PHC2: variants seen among roughly 807,000 people sequenced by gnomAD.
PHC2 encodes polyhomeotic-like protein 2.
PHC2 carries 29 observed loss-of-function variants against 87.4 expected under a neutral mutation model. That is an observed-to-expected ratio of 0.33 (90% CI 0.25 to 0.45). The LOEUF (loss-of-function observed/expected upper bound fraction) is 0.45. Among genes scored for constraint, PHC2 ranks in the 20% least tolerant of loss-of-function variants. The pLI is 1.00. For missense variants in PHC2, 857 were observed against 1,136.7 expected (o/e 0.75, Z 3.54); for synonymous variants, 438 against 461.7 (o/e 0.95, Z 0.66).
In PHC2 at chr1:33,375,449, T is replaced by G. The variant is rs764381431; in HGVS notation, c.91A>C (p.Asn31His). 2 of 1,612,592 alleles carry G rather than the reference T, an allele frequency of 1.2e-6. No homozygotes were observed. Among genetic ancestry groups the G allele is most frequent in the Non-Finnish European group, 1.7e-6 (2 of 1,179,378 alleles). Residue 31 changes from asparagine (N) to histidine (H), a missense_variant, in exon 2 of 15, where the codon AAC becomes CAC. Transcript: ENST00000683057. ...CGGCCACTTCCACCACTGCTGCTGT[T>G]GTTGCAGCCACTGCTGCTACTGGCC... ...SGASSSSGCN[N>H]SSSGGSGRPT...
chr1:33,390,291 T>C (rs989896406), intron 1 of PHC2, among the ~76,000 whole-genome samples: 4 of 152,250 alleles, frequency 2.6e-5, no homozygotes, highest in Non-Finnish European at 4.4e-5. Flanking sequence ...TTTTAACTTA[T>C]CCATTTATGG....
chr1:33,351,876 C>T (rs933422560), intron 9 of PHC2, among the ~76,000 whole-genome samples: 4 of 145,340 alleles, frequency 2.8e-5, no homozygotes, highest in Admixed American at 7.2e-5. Context: ...CACTTGAACC[C>T]GGGAGGTGTA....
chr1:33,340,000 G>A (rs990652489), intron 9 of PHC2, among the ~76,000 whole-genome samples: 4 of 152,166 alleles, frequency 2.6e-5, no homozygotes, highest in African/African-American at 4.8e-5. Flanking sequence ...AGATGGCCTA[G>A]CACTCATTCT....
rs566220367 is a variant in PHC2 at position 33,346,834 on chromosome 1, G to A, written c.1558+7567C>T. On this transcript the variant is annotated intron_variant, in intron 9 of 14. Coordinates refer to ENST00000683057, the MANE Select transcript of PHC2 (RefSeq NM_001385109.1). ...TCATCCCCTTTACACATTCACAATA[G>A]AGAAAAGTAGACAAAAAGACACCTA... is the stretch of plus-strand genomic sequence containing the variant. 4.1e-5 allele frequency: 40 copies of A among 985,310 alleles called. No homozygotes were observed. In the African/African-American group the frequency reaches 6.8e-4, roughly 17 times the overall value. 61.0% of individuals were successfully genotyped at this position (985,310 alleles called of 1,614,324 possible).
At chr1:33,424,615 G>T (rs1650593918) in intron 1 of PHC2, among the ~76,000 whole-genome samples, 1 of 152,078 alleles carries the variant, frequency 6.6e-6, no homozygotes, top group Non-Finnish European at 1.5e-5. Flanking sequence ...TTCTCAAAGG[G>T]CCTGTTCACT....
chr1:33,336,026 T>A (rs1646627586), intron 9 of PHC2, among the ~76,000 whole-genome samples: 1 of 150,808 alleles, frequency 6.6e-6, no homozygotes, highest in South Asian at 2.1e-4. Context: ...TCTCACTCTG[T>A]CACCCAGGCT....
intron 9 of PHC2, among the ~76,000 whole-genome samples, chr1:33,352,993 C>A (rs1242656623): frequency 6.6e-6 from 1 of 152,322 alleles, no homozygotes; most frequent in East Asian, 1.9e-4. Context: ...TTTGGTTCCT[C>A]CCTACCGTAA....
chr1:33,365,511 G>C (rs1367998393), intron 7 of PHC2, among the ~76,000 whole-genome samples: 1 of 152,162 alleles, frequency 6.6e-6, no homozygotes, highest in Non-Finnish European at 1.5e-5. Flanking sequence ...TGAGAAACTA[G>C]AAGAAGTGCT....
intron 1 of PHC2, among the ~76,000 whole-genome samples, chr1:33,378,716 G>C (rs908536972): frequency 1.3e-5 from 2 of 152,082 alleles, no homozygotes; most frequent in Non-Finnish European, 2.9e-5. Context: ...GAGAGTAAGA[G>C]AGCACACTTG....
Position 33,343,941 on chromosome 1 carries a change from A to G in PHC2, c.1559-9649T>C, listed in dbSNP as rs533327782. Among the ~76,000 whole-genome samples, 19 of 152,332 alleles carry G rather than the reference A, an allele frequency of 1.2e-4. No homozygotes were observed. In the South Asian group the frequency reaches 3.7e-3, roughly 30 times the overall value. On this transcript the variant is annotated intron_variant, in intron 9 of 14. Transcript: ENST00000683057. The stretch of plus-strand genomic sequence containing the variant: ...CAAAGCAAAGTCTCAAGTCACCTTC[A>G]ATGGCTATTAATCTAAAGGACAAGA...
At position 33,368,797 on chromosome 1, in the gene PHC2, G is replaced by A. The variant is rs1398088010; in HGVS notation, c.577-175C>T. Reference sequence around the variant, plus strand: ...TATGAGGAAGGGCAGGACAGTAGAAGCAGAAAGGAAGGGGGAGTCCAAGGG... The same window carrying A: ...TATGAGGAAGGGCAGGACAGTAGAAACAGAAAGGAAGGGGGAGTCCAAGGG... On this transcript the variant is annotated intron_variant, in intron 5 of 14. Coordinates refer to ENST00000683057, the MANE Select transcript of PHC2 (RefSeq NM_001385109.1). The surrounding 1 kb of genome is among the most constrained non-coding windows in gnomAD (Gnocchi z 6.6). 3.9e-5 allele frequency among the ~76,000 whole-genome samples: 6 copies of A among 152,186 alleles called. No homozygotes were observed. Among genetic ancestry groups the A allele is most frequent in the Admixed American group, 6.5e-5 (1 of 15,288 alleles).
In PHC2 at chr1:33,368,390, C is replaced by T. The variant is rs549907745; in HGVS notation, c.663+146G>A. ...CTGAGGCCTTCTGGAACAGGGTAGA[C>T]GCGCAGGCCTGGGGGCATTGGGGTG... On this transcript the variant is annotated intron_variant, in intron 6 of 14. Transcript: ENST00000683057. The surrounding 1 kb of genome is among the most constrained non-coding windows in gnomAD (Gnocchi z 6.6). 5.5e-4 allele frequency: 331 copies of T among 598,712 alleles called. 5 individuals are homozygous for T. The South Asian group carries it at 6.3e-3, about 11-fold the overall frequency. The allele number at this position is 598,712 out of a possible 1,614,324, so 37.1% of individuals were successfully genotyped here. A position where few individuals can be genotyped will look rare whatever the true frequency, so the allele number is the denominator to read the frequency against.
Position 33,419,671 on chromosome 1 carries a change from G to A in PHC2, c.-55+11305C>T, listed in dbSNP as rs1026893940. The stretch of plus-strand genomic sequence containing the variant: ...GTTGCCCAGGCTGGAGTGCAGTGGC[G>A]CGATCTCAGCTCACTGCAAGCTCCA... On this transcript the variant is annotated intron_variant, in intron 1 of 14. Coordinates refer to ENST00000683057, the MANE Select transcript of PHC2 (RefSeq NM_001385109.1). Among the ~76,000 whole-genome samples the A allele has an allele frequency of 1.2e-4, 18 of 151,884 alleles. 1 individual carries two copies. Among genetic ancestry groups the A allele is most frequent in the Admixed American group, 1.0e-3 (16 of 15,256 alleles).
Position 33,363,840 on chromosome 1 carries a change from G to C in PHC2, c.976+3276C>G, listed in dbSNP as rs889800558. 3.0e-5 allele frequency: 30 copies of C among 985,106 alleles called. No homozygotes were observed. The East Asian group carries it at 1.1e-3, about 37-fold the overall frequency. 61.0% of individuals were successfully genotyped at this position (985,106 alleles called of 1,614,324 possible). On this transcript the variant is annotated intron_variant, in intron 7 of 14. Coordinates refer to ENST00000683057, the MANE Select transcript of PHC2 (RefSeq NM_001385109.1). ...GCTGTGGCCCACTCCCTTAGGACTC[G>C]GCTTCCCTGAAGGCCAGGCCCAAGG...
At position 33,367,280 on chromosome 1, in the gene PHC2, G is replaced by C. The variant is rs1261580064; in HGVS notation, c.812C>G (p.Thr271Ser). 6.2e-7 allele frequency: 1 copy of C among 1,614,088 alleles called. No homozygotes were observed. Among genetic ancestry groups the C allele is most frequent in the Non-Finnish European group, 8.5e-7 (1 of 1,180,052 alleles). Residue 271 changes from threonine to serine, a missense_variant, in exon 7 of 15, where the codon ACT becomes AGT. By Grantham distance (58) the Thr-to-Ser change is moderately conservative. Around this residue, in one of 3 missense-constraint regions of PHC2, gnomAD observed 832 missense variants for 1,081.8 expected, o/e 0.77. Coordinates refer to ENST00000683057, the MANE Select transcript of PHC2 (RefSeq NM_001385109.1). ...GGCACCTGCAGGGGAAGCCTGAGCA[G>C]TATTTCTGCTCTGTGCTGGGGTAGG... ...PLPTPAQSRN[T>S]AQASPAGAKP... is the part of the protein sequence containing the mutation.
intron 14 of PHC2, among the ~76,000 whole-genome samples, chr1:33,327,482 TCTCTGAATGG>T (rs1646397101): frequency 1.3e-5 from 2 of 152,192 alleles, no homozygotes; most frequent in Non-Finnish European, 2.9e-5. Flanking sequence ...ACATGGCTTG[TCTCTGAATGG>T]CTCCCAATAA....
At chr1:33,357,769 A>G (rs918453435) in intron 7 of PHC2, among the ~76,000 whole-genome samples, 6 of 152,260 alleles carry the variant, frequency 3.9e-5, no homozygotes, top group Non-Finnish European at 7.3e-5. Flanking sequence ...GAGGCCACAC[A>G]GGACTTTGTT....
chr1:33,383,577 AG>A lies in PHC2; in HGVS notation c.-54-7985del, dbSNP rs1299642203. Among the ~76,000 whole-genome samples the A allele has an allele frequency of 2.6e-5, 4 of 152,214 alleles. 1 individual carries two copies. Among genetic ancestry groups the A allele is most frequent in the African/African-American group, 9.7e-5 (4 of 41,450 alleles). ...TGGTTGAAGAATATGAGGAGGAAAA[AG>A]AAGGATTTGCTGTCTTTTGGAAGGG... is the stretch of plus-strand genomic sequence containing the variant. On this transcript the variant is annotated intron_variant, in intron 1 of 14. Transcript: ENST00000683057.
At chr1:33,422,318 T>C (rs1650464786) in intron 1 of PHC2, among the ~76,000 whole-genome samples, 1 of 152,192 alleles carries the variant, frequency 6.6e-6, no homozygotes, top group African/African-American at 2.4e-5. Flanking sequence ...CTCCTCATCT[T>C]TGAATCCCCC....
Sources: allele counts gnomAD v4.1 joint callset (sites outside exome capture counted in the v4.1 genomes callset), GRCh38; gene constraint gnomAD v4.1.1; regional missense constraint gnomAD v4.1.1; non-coding constraint Gnocchi (gnomAD v3.1); transcripts MANE v1.5; gene names NCBI Gene and HGNC (gene_info 2026-07-23, HGNC 2026-07-21).